Variants in RMDN2 observed in about 807,000 individuals in gnomAD.
RMDN2 encodes the protein regulator of microtubule dynamics 2.
In RMDN2, 61 loss-of-function variants were observed where a neutral mutation model predicts 52.8. The ratio of observed to expected loss-of-function variants is 1.16; its 90% CI spans 0.94 to 1.43. The LOEUF (loss-of-function observed/expected upper bound fraction) is 1.43, where lower values mean the gene tolerates loss of function less well. Ranked by LOEUF, RMDN2 falls within the 40% of genes most tolerant of loss-of-function variation. The pLI, the probability that RMDN2 is intolerant of heterozygous loss-of-function variation, is 0.00. For synonymous variants in RMDN2, 180 were observed against 153.1 expected (o/e 1.18, Z -1.30); for missense variants, 592 against 475.3 (o/e 1.25, Z -2.28).
chr2:37,958,291 TC>T (rs1288646657), intron 2 of RMDN2, among the ~76,000 whole-genome samples: 1 of 152,202 alleles, frequency 6.6e-6, no homozygotes, highest in Non-Finnish European at 1.5e-5. Flanking sequence ...GGAGTGTTTT[TC>T]CATTTGTTTG....
At chr2:37,928,422 A>T (rs1329963183) in intron 1 of RMDN2, among the ~76,000 whole-genome samples, 1 of 152,208 alleles carries the variant, frequency 6.6e-6, no homozygotes, top group Non-Finnish European at 1.5e-5. Context: ...ATGTGGAATC[A>T]CAGGATATAA....
Position 37,967,204 on chromosome 2 carries a change from C to T in RMDN2, c.453-6836C>T, listed in dbSNP as rs181447578. ...TTAATAGCAGAAATAATAGCTAGTA[C>T]CATAGACATCTCTGTTGGTTCTGTT... On this transcript the variant is annotated intron_variant, in intron 2 of 10. Transcript: ENST00000354545. Among the ~76,000 whole-genome samples the T allele has an allele frequency of 2.2e-3, 335 of 152,160 alleles. 3 individuals carry two copies. Among genetic ancestry groups the T allele is most frequent in the Middle Eastern group, 3.4e-3 (1 of 294 alleles).
chr2:37,956,477 A>G (rs1669476368), intron 2 of RMDN2, among the ~76,000 whole-genome samples: 1 of 151,964 alleles, frequency 6.6e-6, no homozygotes, highest in Admixed American at 6.6e-5. Context: ...GATCATTCTG[A>G]AGGACAAACT....
chr2:37,924,319 T>C (rs532898897), upstream of RMDN2, among the ~76,000 whole-genome samples: 3 of 152,316 alleles, frequency 2.0e-5, no homozygotes, highest in Non-Finnish European at 4.4e-5. Flanking sequence ...TATGCAAACC[T>C]AAGCTTGAGG....
At chr2:38,003,074 A>C (rs1676528661) in intron 8 of RMDN2, 1 of 152,096 alleles carries the variant, frequency 6.6e-6, no homozygotes, top group South Asian at 2.1e-4. Context: ...TATAATACCT[A>C]CTCATGTCTA....
At chr2:37,951,451 T>G in intron 2 of RMDN2, 1 of 1,612,638 alleles carries the variant, frequency 6.2e-7, no homozygotes, top group Non-Finnish European at 8.5e-7. Context: ...AGATATTCTT[T>G]ATTTGTTGGA....
chr2:37,983,167 A>G (rs1477420994), intron 5 of RMDN2, among the ~76,000 whole-genome samples: 1 of 151,914 alleles, frequency 6.6e-6, no homozygotes, highest in Non-Finnish European at 1.5e-5. Flanking sequence ...ATCTGTACCC[A>G]TGAAGAATCA....
intron 10 of RMDN2, among the ~76,000 whole-genome samples, chr2:38,062,098 A>T (rs1044476497): frequency 6.6e-6 from 1 of 151,820 alleles, no homozygotes; most frequent in Non-Finnish European, 1.5e-5. Context: ...CCCCTTTAAC[A>T]TTTTTTCCAA....
intron 2 of RMDN2, among the ~76,000 whole-genome samples, chr2:37,963,867 G>C (rs557593957): frequency 7.2e-4 from 110 of 152,118 alleles, no homozygotes; most frequent in African/African-American, 2.6e-3. Flanking sequence ...GGGCAGAGGG[G>C]CTCCTCACTT....
chr2:37,952,182 A>G, intron 2 of RMDN2: 2 of 1,613,140 alleles, frequency 1.2e-6, no homozygotes, highest in Non-Finnish European at 1.7e-6. Flanking sequence ...ATCTTCACCT[A>G]TTGAAATTCC....
intron 5 of RMDN2, among the ~76,000 whole-genome samples, chr2:37,988,135 G>A (rs1384432739): frequency 1.3e-5 from 2 of 152,174 alleles, no homozygotes; most frequent in Non-Finnish European, 2.9e-5. Flanking sequence ...CATACTTTCT[G>A]CTCAGTTTTG....
intron 4 of RMDN2, among the ~76,000 whole-genome samples, chr2:37,980,139 C>T (rs984659032): frequency 6.6e-6 from 1 of 152,054 alleles, no homozygotes; most frequent in South Asian, 2.1e-4. Context: ...TTTTGCATAT[C>T]CTTGGATAGT....
chr2:37,951,666 C>T, intron 2 of RMDN2: 1 of 1,613,232 alleles, frequency 6.2e-7, no homozygotes, highest in Non-Finnish European at 8.5e-7. Context: ...AGCAAGTGGC[C>T]AGAATGTGTT....
intron 2 of RMDN2, among the ~76,000 whole-genome samples, chr2:37,962,111 A>T (rs62136311): frequency 0.37 from 56,978 of 152,142 alleles, 12,242 homozygotes; most frequent in South Asian, 0.52. Flanking sequence ...GAGCTCTCCT[A>T]TATGAGGTGT....
At chr2:38,037,562 A>G (rs986299163) in intron 10 of RMDN2, among the ~76,000 whole-genome samples, 1 of 152,226 alleles carries the variant, frequency 6.6e-6, no homozygotes, top group Admixed American at 6.5e-5. Flanking sequence ...AAGTCATCAC[A>G]TAGCAAACTG....
chr2:37,984,569 A>G (rs942084850), intron 5 of RMDN2, among the ~76,000 whole-genome samples: 1 of 152,228 alleles, frequency 6.6e-6, no homozygotes, highest in African/African-American at 2.4e-5. Context: ...TTATATGCCT[A>G]GTCATTTTTC....
downstream of RMDN2, chr2:38,017,758 G>A (rs1001067711): frequency 3.1e-5 from 10 of 319,058 alleles, no homozygotes; most frequent in South Asian, 1.8e-4. Context: ...GCTTTCACTC[G>A]TGTCCATGTG....
Position 37,960,790 on chromosome 2 carries a change from G to T in RMDN2, c.453-13250G>T, listed in dbSNP as rs368437585. ...ATGCAGTTTTTTCATAGTGACATTG[G>T]TCTGTGTATTTTGGTATGTTTTTGC... On this transcript the variant is annotated intron_variant, in intron 2 of 10. Transcript: ENST00000354545. Among the ~76,000 whole-genome samples, 4 of 152,212 alleles carry T rather than the reference G, an allele frequency of 2.6e-5. No homozygotes were observed. The East Asian group carries it at 7.7e-4, about 29-fold the overall frequency.
chr2:37,942,411 A>G (rs1369680857), intron 2 of RMDN2, among the ~76,000 whole-genome samples: 3 of 152,166 alleles, frequency 2.0e-5, no homozygotes, highest in Admixed American at 6.5e-5. Context: ...ACTTTCCTTC[A>G]TAATTCCTTA....
Sources: allele counts gnomAD v4.1 joint callset (sites outside exome capture counted in the v4.1 genomes callset), GRCh38; gene constraint gnomAD v4.1.1; transcripts MANE v1.5; gene names NCBI Gene and HGNC (gene_info 2026-07-23, HGNC 2026-07-21).